IKZF1: variants seen among roughly 807,000 people sequenced by gnomAD.
The protein encoded by IKZF1 is DNA-binding protein Ikaros.
IKZF1 carries 10 observed loss-of-function variants against 51.7 expected under a neutral mutation model. The observed-to-expected ratio is 0.19, with a 90% CI of 0.12 to 0.33. The LOEUF is 0.33. IKZF1 is among the 10% of genes least tolerant of loss of function. IKZF1 has a pLI of 1.00. For missense variants in IKZF1, 484 were observed against 707.5 expected (o/e 0.68, Z 3.58); for synonymous variants, 280 against 282.3 (o/e 0.99, Z 0.08).
intron 7 of IKZF1, chr7:50,394,234 G>A (rs958728332): frequency 4.3e-6 from 1 of 232,980 alleles, no homozygotes; most frequent in Non-Finnish European, 8.5e-6. Context: ...GTGCTTGGCA[G>A]TTCATTTGTA....
intron 2 of IKZF1, among the ~76,000 whole-genome samples, chr7:50,325,278 C>CCCCAAA (rs1794632580): frequency 2.1e-5 from 2 of 93,658 alleles, no homozygotes; most frequent in African/African-American, 4.3e-5. Flanking sequence ...CCGCTGCCAC[C>CCCCAAA]AAAAAAAAAA....
intron 7 of IKZF1, among the ~76,000 whole-genome samples, chr7:50,397,843 G>C (rs538379791): frequency 6.6e-6 from 1 of 152,260 alleles, no homozygotes; most frequent in East Asian, 1.9e-4. Flanking sequence ...CTGGGAGGGC[G>C]TAACTGGCCA....
chr7:50,342,449 C>CATTTGAAA (rs1682160034), intron 3 of IKZF1, among the ~76,000 whole-genome samples: 1 of 152,154 alleles, frequency 6.6e-6, no homozygotes, highest in Non-Finnish European at 1.5e-5. Flanking sequence ...AATGAGGTAG[C>CATTTGAAA]TGCTTTATAG....
At chr7:50,345,899 C>T (rs1432323492) in intron 3 of IKZF1, among the ~76,000 whole-genome samples, 2 of 152,058 alleles carry the variant, frequency 1.3e-5, no homozygotes, top group African/African-American at 2.4e-5. Flanking sequence ...AATTTAGGGC[C>T]GGGTGCAGTG....
chr7:50,368,455 A>T (rs1807663422), intron 3 of IKZF1: 1 of 608,486 alleles, frequency 1.6e-6, no homozygotes, highest in Non-Finnish European at 2.9e-6. Flanking sequence ...TAATTTTTAC[A>T]ATTTTGTGGG....
At chr7:50,333,474 C>G (rs1043875983) in intron 3 of IKZF1, among the ~76,000 whole-genome samples, 5 of 152,148 alleles carry the variant, frequency 3.3e-5, no homozygotes, top group Admixed American at 6.5e-5. Flanking sequence ...GGATGCGGAG[C>G]CTGCTTATCT....
intron 3 of IKZF1, among the ~76,000 whole-genome samples, chr7:50,341,475 G>C (rs1799057125): frequency 6.6e-6 from 1 of 152,242 alleles, no homozygotes; most frequent in South Asian, 2.1e-4. Flanking sequence ...GACATAGGCA[G>C]ACAGTCCTAG....
chr7:50,354,743 C>T (rs1802804610), intron 3 of IKZF1, among the ~76,000 whole-genome samples: 1 of 151,990 alleles, frequency 6.6e-6, no homozygotes, highest in South Asian at 2.1e-4. Context: ...CCAACCCATA[C>T]CGTTGGTTAC....
chr7:50,325,957 A>G (rs1412426558), intron 2 of IKZF1, among the ~76,000 whole-genome samples: 1 of 152,220 alleles, frequency 6.6e-6, no homozygotes, highest in African/African-American at 2.4e-5. Context: ...CTATCCAAAT[A>G]TACCCAATAA....
chr7:50,377,058 G>A (rs1337732974), intron 4 of IKZF1: 8 of 526,720 alleles, frequency 1.5e-5, no homozygotes, highest in African/African-American at 7.6e-5. Flanking sequence ...GAGGCTTGGC[G>A]AGGGCTGCTA....
At chr7:50,326,014 G>A (rs1292228449) in intron 2 of IKZF1, among the ~76,000 whole-genome samples, 1 of 152,184 alleles carries the variant, frequency 6.6e-6, no homozygotes, top group African/African-American at 2.4e-5. Flanking sequence ...AGCTAAGCTG[G>A]AATATTAAAT....
rs1370760319 is a variant in IKZF1 at position 50,385,261 on chromosome 7, CTG to C, written c.590-2083_590-2082del. ...TGATGATTTCTTCAAAATGATTTCA[CTG>C]AAGTGAAATAAGGACTTTGGCCTTG... On this transcript the variant is annotated intron_variant, in intron 5 of 7. Coordinates refer to ENST00000331340, the MANE Select transcript of IKZF1 (RefSeq NM_006060.6). Among the ~76,000 whole-genome samples, 60 of 152,300 alleles carry C rather than the reference CTG, an allele frequency of 3.9e-4. No homozygotes were observed. The East Asian group carries it at 9.4e-3, about 24-fold the overall frequency.
rs770186190 is a variant in IKZF1, at chr7:50,399,943, C to T, written c.876C>T (p.Pro292=). The change falls in exon 8 of 8, where the codon CCC becomes CCT. Residue 292 remains proline, a synonymous_variant. Transcript: ENST00000331340. ...FLGDKGLSDT[P]YDSSASYEKE... ...GGGACAAGGGCCTGTCCGACACGCCCTACGACAGCAGCGCCAGCTACGAGA... is the reference window on the plus strand; with the variant it reads ...GGGACAAGGGCCTGTCCGACACGCCTTACGACAGCAGCGCCAGCTACGAGA... The T allele has an allele frequency of 1.2e-6, 2 of 1,613,086 alleles. No homozygotes were observed. Among genetic ancestry groups the T allele is most frequent in the Non-Finnish European group, 1.7e-6 (2 of 1,179,734 alleles).
At position 50,327,657 on chromosome 7, in the gene IKZF1, A is replaced by G; in HGVS notation, c.60A>G (p.Val20=). 1 of 1,612,964 alleles carries G rather than the reference A, an allele frequency of 6.2e-7. No homozygotes were observed. Among genetic ancestry groups the G allele is most frequent in the South Asian group, 1.1e-5 (1 of 90,858 alleles). The change falls in exon 3 of 8, where the codon GTA becomes GTG. Residue 20 remains valine, a synonymous_variant. Transcript: ENST00000331340. ...CATCAGGGAAGGAAAGCCCCCCTGT[A>G]AGCGATACTCCAGATGAGGGCGATG... ...SQVSGKESPP[V]SDTPDEGDEP... is the part of the protein sequence containing the mutation.
intron 2 of IKZF1, among the ~76,000 whole-genome samples, chr7:50,324,583 C>T (rs1006606504): frequency 6.6e-6 from 1 of 152,010 alleles, no homozygotes; most frequent in African/African-American, 2.4e-5. Flanking sequence ...CCTTTTTCTC[C>T]CCCATGTTGA....
At chr7:50,345,004 G>A (rs1402565714) in intron 3 of IKZF1, among the ~76,000 whole-genome samples, 2 of 151,550 alleles carry the variant, frequency 1.3e-5, no homozygotes, top group African/African-American at 4.8e-5. Context: ...CAAAAACCAC[G>A]GTTACTTTTG....
At chr7:50,354,032 GGCGCTGATTTGTGT>G (rs1271147895) in intron 3 of IKZF1, among the ~76,000 whole-genome samples, 5 of 152,274 alleles carry the variant, frequency 3.3e-5, no homozygotes, top group African/African-American at 9.6e-5. Context: ...CATCCTGGAG[GGCGCTGATTTGTGT>G]GCTCTGCCAG....
chr7:50,320,992 A>C (rs1793110994), intron 2 of IKZF1, among the ~76,000 whole-genome samples: 1 of 152,244 alleles, frequency 6.6e-6, no homozygotes, highest in Admixed American at 6.5e-5. Context: ...AATACATGTG[A>C]AAGTGAGAAT....
At position 50,376,425 on chromosome 7, in the gene IKZF1, G is replaced by A. The variant is rs1451454571; in HGVS notation, c.161-108G>A. 5 of 1,514,938 alleles carry A rather than the reference G, an allele frequency of 3.3e-6. No homozygotes were observed. The highest frequency in any genetic ancestry group is 4.4e-6 in the Non-Finnish European group (5 of 1,129,338). 93.8% of individuals were successfully genotyped at this position (1,514,938 alleles called of 1,614,324 possible). The stretch of plus-strand genomic sequence containing the variant: ...CCCTTGGTATTTGCTAAGAACTTCT[G>A]TTTAGTAGCTCTCCACACCTATTTG... On this transcript the variant is annotated intron_variant, in intron 3 of 7. Transcript: ENST00000331340. This position sits in a 1 kb window ranked among gnomAD's most constrained non-coding sequence, Gnocchi z 4.5.
Sources: gnomAD v4.1 joint callset for allele counts (sites outside exome capture counted in the v4.1 genomes callset) on GRCh38, gnomAD v4.1.1 for gene constraint, Gnocchi (gnomAD v3.1) non-coding constraint, MANE v1.5 for transcripts, NCBI Gene and HGNC (gene_info 2026-07-23, HGNC 2026-07-21) for gene names.